KCNC1: variants seen among roughly 807,000 people sequenced by gnomAD.
KCNC1 encodes the protein voltage-gated potassium channel KCNC1.
In KCNC1, 8 loss-of-function variants were observed where a neutral mutation model predicts 43.4. The ratio of observed to expected loss-of-function variants is 0.18; its 90% confidence interval spans 0.11 to 0.33. The LOEUF is 0.33. KCNC1 is among the 10% of genes least tolerant of loss of function. The pLI is 1.00. For missense variants in KCNC1, 420 were observed against 836.0 expected (o/e 0.50, Z 6.14); for synonymous variants, 361 against 360.5 (o/e 1.00, Z -0.01).
chr11:17,756,670 A>T (rs1849026361), intron 1 of KCNC1, among the ~76,000 whole-genome samples: 1 of 151,960 alleles, frequency 6.6e-6, no homozygotes, highest in African/African-American at 2.4e-5. Flanking sequence ...TCCTCCATGG[A>T]GGTTGGAGCC....
At chr11:17,755,950 G>A (rs1202581051) in intron 1 of KCNC1, among the ~76,000 whole-genome samples, 1 of 152,144 alleles carries the variant, frequency 6.6e-6, no homozygotes, top group African/African-American at 2.4e-5. Context: ...ATAGAGACTG[G>A]GGAGAAGAGT....
intron 1 of KCNC1, among the ~76,000 whole-genome samples, chr11:17,768,614 G>C (rs1247101280): frequency 1.0e-5 from 1 of 99,852 alleles, no homozygotes; most frequent in Non-Finnish European, 2.1e-5. Flanking sequence ...GATGTTGGTG[G>C]GGGGGGGGGC....
rs1849283206 is a variant in KCNC1, at chr11:17,776,041, G to T, written c.1505-3415G>T. On this transcript the variant is annotated intron_variant, in intron 2 of 3. Transcript: ENST00000265969. The surrounding 1 kb of genome is among the most constrained non-coding windows in gnomAD (Gnocchi z 4.4). Reference sequence around the variant, plus strand: ...GGCGGGTGGGGCTAAGAGAGTTTCTGCAGGGACCCAGCTGCAGGGTCAGCA... The same window carrying T: ...GGCGGGTGGGGCTAAGAGAGTTTCTTCAGGGACCCAGCTGCAGGGTCAGCA... The T allele has an allele frequency of 6.1e-6, 6 of 985,332 alleles. 1 individual carries two copies. In the South Asian group the frequency reaches 2.8e-4, roughly 46 times the overall value. 61.0% of individuals were successfully genotyped at this position (985,332 alleles called of 1,614,324 possible).
rs373592432 is a variant in KCNC1 at position 17,775,896 on chromosome 11, C to CA, written c.1504+3301dup. The CA allele has an allele frequency of 9.7e-4, 960 of 985,524 alleles. 5 individuals are homozygous for CA. In the African/African-American group the frequency reaches 0.015, roughly 16 times the overall value. 61.0% of individuals were successfully genotyped at this position (985,524 alleles called of 1,614,324 possible). A position where few individuals can be genotyped will look rare whatever the true frequency, so the allele number is the denominator to read the frequency against. ...CTTGCAGCCTCTGGGTTATCTTTGG[C>CA]AAAGGGGTCTAAAGTCCCCTATCCC... On this transcript the variant is annotated intron_variant, in intron 2 of 3. Transcript: ENST00000265969.
chr11:17,738,532 T>C (rs1206638458), intron 1 of KCNC1, among the ~76,000 whole-genome samples: 2 of 152,102 alleles, frequency 1.3e-5, no homozygotes, highest in African/African-American at 4.8e-5. Context: ...CCCCACCCTT[T>C]GCACTCAGTG....
chr11:17,781,560 C>T lies in KCNC1; in HGVS notation c.1694-110C>T. On this transcript the variant is annotated intron_variant, in intron 3 of 3. Coordinates refer to ENST00000265969, the MANE Select transcript of KCNC1 (RefSeq NM_001112741.2). This position sits in a 1 kb window ranked among gnomAD's most constrained non-coding sequence, Gnocchi z 5.1. ...CAGCTGGAGAAGAATCTGCCTGCCT[C>T]TGCATGCGGCTGTTCTGTCTTTCCT... 1.2e-5 allele frequency: 9 copies of T among 762,972 alleles called. No homozygotes were observed. In the South Asian group the frequency reaches 1.2e-4, roughly 10 times the overall value. 47.3% of individuals were successfully genotyped at this position (762,972 alleles called of 1,614,324 possible).
Position 17,779,441 on chromosome 11 carries a change from C to G in KCNC1, c.1505-15C>G. The G allele has an allele frequency of 6.5e-7, 1 of 1,531,572 alleles. No homozygotes were observed. The highest frequency in any genetic ancestry group is 8.8e-7 in the Non-Finnish European group (1 of 1,137,836). The allele number at this position is 1,531,572 out of a possible 1,614,324, so 94.9% of individuals were successfully genotyped here. A position where few individuals can be genotyped will look rare whatever the true frequency, so the allele number is the denominator to read the frequency against. ...GTTTTCAGTGTCTCAATAGCTTCTG[C>G]TTATATGTTTGAAGATTCCAAACTG... is the stretch of plus-strand genomic sequence containing the variant. On this transcript the variant is annotated splice_polypyrimidine_tract_variant and intron_variant, in intron 2 of 3. Coordinates refer to ENST00000265969, the MANE Select transcript of KCNC1 (RefSeq NM_001112741.2). This position sits in a 1 kb window ranked among gnomAD's most constrained non-coding sequence, Gnocchi z 7.2.
At chr11:17,775,605 C>A in intron 2 of KCNC1, 1 of 985,586 alleles carries the variant, frequency 1.0e-6, no homozygotes, top group Non-Finnish European at 1.2e-6. Flanking sequence ...CATCTGCAGT[C>A]GGATGCCCAG....
intron 2 of KCNC1, chr11:17,775,362 C>A: frequency 1.0e-6 from 1 of 985,532 alleles, no homozygotes; most frequent in Non-Finnish European, 1.2e-6. Flanking sequence ...TCGTCTGAAG[C>A]CTCAGTCTGT....
intron 2 of KCNC1, chr11:17,774,138 T>C: frequency 3.6e-5 from 35 of 985,582 alleles, no homozygotes; most frequent in Non-Finnish European, 4.2e-5. Flanking sequence ...CTTCCCTTCC[T>C]GGGATTTCTG....
Position 17,781,879 on chromosome 11 carries a change from G to T in KCNC1, c.*145G>T, listed in dbSNP as rs187305849. 6 of 504,268 alleles carry T rather than the reference G, an allele frequency of 1.2e-5. No homozygotes were observed. Among genetic ancestry groups the T allele is most frequent in the Middle Eastern group, 4.8e-4 (1 of 2,098 alleles). The allele number at this position is 504,268 out of a possible 1,614,324, so 31.2% of individuals were successfully genotyped here. ...GCCCAGGCATTGTACTAGGACGGACGTAGCTTTTTCTACGGCCAAATGGTA... is the reference window on the plus strand; with the variant it reads ...GCCCAGGCATTGTACTAGGACGGACTTAGCTTTTTCTACGGCCAAATGGTA... On this transcript the variant is annotated 3_prime_UTR_variant, in exon 4 of 4. Transcript: ENST00000265969. The surrounding 1 kb of genome is among the most constrained non-coding windows in gnomAD (Gnocchi z 5.1).
intron 2 of KCNC1, chr11:17,774,699 C>G: frequency 1.0e-6 from 1 of 985,488 alleles, no homozygotes; most frequent in Non-Finnish European, 1.2e-6. Flanking sequence ...CCAGACAGTT[C>G]TGGCTTGGAC....
intron 2 of KCNC1, chr11:17,774,482 C>T (rs1849263841): frequency 1.0e-6 from 1 of 985,410 alleles, no homozygotes; most frequent in South Asian, 4.7e-5. Flanking sequence ...CCTCTGTACT[C>T]TTGGACAATG....
Position 17,736,697 on chromosome 11 carries a change from C to T in KCNC1, c.570+125C>T. On this transcript the variant is annotated intron_variant, in intron 1 of 3. Coordinates refer to ENST00000265969, the MANE Select transcript of KCNC1 (RefSeq NM_001112741.2). This position sits in a 1 kb window ranked among gnomAD's most constrained non-coding sequence, Gnocchi z 9.3. The stretch of plus-strand genomic sequence containing the variant: ...TCAGAATCGAAAGGGGGTGTGTGCG[C>T]ATGTGTGCACGTACCAGGGTAAGAG... 2.1e-6 allele frequency: 3 copies of T among 1,404,720 alleles called. No homozygotes were observed. The highest frequency in any genetic ancestry group is 3.0e-5 in the South Asian group (2 of 66,000). The allele number at this position is 1,404,720 out of a possible 1,614,324, so 87.0% of individuals were successfully genotyped here. A position where few individuals can be genotyped will look rare whatever the true frequency, so the allele number is the denominator to read the frequency against.
intron 1 of KCNC1, among the ~76,000 whole-genome samples, chr11:17,763,703 C>G (rs1218965194): frequency 2.3e-5 from 3 of 129,896 alleles, no homozygotes; most frequent in Non-Finnish European, 4.8e-5. Flanking sequence ...CACACCCTCA[C>G]CCACACACAC....
rs763527216 is a variant in KCNC1, at chr11:17,739,466, G to A, written c.570+2894G>A. On this transcript the variant is annotated intron_variant, in intron 1 of 3. Transcript: ENST00000265969. This position sits in a 1 kb window ranked among gnomAD's most constrained non-coding sequence, Gnocchi z 4.2. ...CAGGGGTTGTGTGTGTGAGAGAGGC[G>A]GATTCTGTGTTTTGGATGGACTGTG... 2.7e-5 allele frequency among the ~76,000 whole-genome samples: 4 copies of A among 150,886 alleles called. No homozygotes were observed. The highest frequency in any genetic ancestry group is 4.9e-5 in the African/African-American group (2 of 40,840).
chr11:17,774,839 G>A, intron 2 of KCNC1: 1 of 985,468 alleles, frequency 1.0e-6, no homozygotes, highest in Non-Finnish European at 1.2e-6. Flanking sequence ...TCACTTCCCG[G>A]TGGTGTTGGT....
intron 1 of KCNC1, among the ~76,000 whole-genome samples, chr11:17,764,987 G>C (rs1849132550): frequency 6.6e-6 from 1 of 152,206 alleles, no homozygotes; most frequent in South Asian, 2.1e-4. Flanking sequence ...TAATTAGGCG[G>C]AAAAACTGAC....
chr11:17,738,766 A>G (rs924299711), intron 1 of KCNC1, among the ~76,000 whole-genome samples: 10 of 152,202 alleles, frequency 6.6e-5, no homozygotes, highest in African/African-American at 2.4e-4. Flanking sequence ...ATGCTCACTG[A>G]AGAGCGGACT....
Sources: gnomAD v4.1 joint callset for allele counts (sites outside exome capture counted in the v4.1 genomes callset) on GRCh38, gnomAD v4.1.1 for gene constraint, Gnocchi (gnomAD v3.1) non-coding constraint, MANE v1.5 for transcripts, NCBI Gene and HGNC (gene_info 2026-07-23, HGNC 2026-07-21) for gene names.